The following OLA1 variants were observed in gnomAD, a reference collection of about 807,000 sequenced individuals.
OLA1 encodes the protein obg-like ATPase 1.
In OLA1, 14 loss-of-function variants were observed where a neutral mutation model predicts 48.4. The observed-to-expected ratio is 0.29, with a 90% CI of 0.19 to 0.45. The LOEUF (loss-of-function observed/expected upper bound fraction) is 0.45. Among genes scored for constraint, OLA1 ranks in the 20% least tolerant of loss-of-function variants. The probability of loss-of-function intolerance (pLI) is 1.00; values close to 1 mark genes in which losing one functional copy is unlikely to be tolerated. For missense variants in OLA1, 325 were observed against 467.1 expected (o/e 0.70, Z 2.80); for synonymous variants, 127 against 150.4 (o/e 0.84, Z 1.14).
chr2:174,206,002 C>T (rs538431339), intron 4 of OLA1, among the ~76,000 whole-genome samples: 36 of 152,152 alleles, frequency 2.4e-4, no homozygotes, highest in Admixed American at 3.9e-4. Context: ...AAGTCACTGA[C>T]GTAGGAAAAC....
intron 1 of OLA1, 160 bp from the exon 2 acceptor site, chr2:174,246,975 T>C (rs959998974): frequency 3.4e-5 from 15 of 445,462 alleles, no homozygotes; most frequent in African/African-American, 1.4e-4. Flanking sequence ...CACTTTTTTT[T>C]CAGCAAAAAT....
chr2:174,135,814 A>C (rs1004139631), intron 5 of OLA1, among the ~76,000 whole-genome samples: 10 of 152,230 alleles, frequency 6.6e-5, no homozygotes, highest in African/African-American at 2.4e-4. Context: ...TTACAGTACA[A>C]CCATACCTCA....
intron 7 of OLA1, among the ~76,000 whole-genome samples, chr2:174,113,690 TAAAAC>T (rs1217317426): frequency 6.6e-6 from 1 of 152,180 alleles, no homozygotes; most frequent in Non-Finnish European, 1.5e-5. Flanking sequence ...CTTTCTGAGA[TAAAAC>T]AAAGCAAAAT....
chr2:174,100,299 C>T (rs529222192), intron 7 of OLA1, among the ~76,000 whole-genome samples: 175 of 152,208 alleles, frequency 1.1e-3, no homozygotes, highest in Non-Finnish European at 1.3e-3. Context: ...TAAGTAAGAC[C>T]GACATTGTCC....
chr2:174,150,053 T>A (rs1174633811), intron 4 of OLA1, among the ~76,000 whole-genome samples: 1 of 152,194 alleles, frequency 6.6e-6, no homozygotes, highest in Non-Finnish European at 1.5e-5. Context: ...CCATCTGTCA[T>A]AGAAAACCTG....
At chr2:174,152,089 T>C (rs1264484638) in intron 4 of OLA1, among the ~76,000 whole-genome samples, 1 of 152,212 alleles carries the variant, frequency 6.6e-6, no homozygotes, top group African/African-American at 2.4e-5. Flanking sequence ...AAGTAAGATG[T>C]GTAGTTTTAA....
At chr2:174,188,789 G>A (rs1369851236) in intron 4 of OLA1, among the ~76,000 whole-genome samples, 4 of 152,108 alleles carry the variant, frequency 2.6e-5, no homozygotes, top group African/African-American at 9.7e-5. Context: ...ATTACTTTCA[G>A]CTATGTGTAT....
chr2:174,218,371 GA>G (rs199836667), intron 4 of OLA1, among the ~76,000 whole-genome samples: 4 of 150,336 alleles, frequency 2.7e-5, no homozygotes, highest in Non-Finnish European at 4.4e-5. Flanking sequence ...CTTTCCTGAT[GA>G]AAAAAAAACC....
At chr2:174,120,455 T>A (rs1359784415) in intron 7 of OLA1, among the ~76,000 whole-genome samples, 1 of 152,146 alleles carries the variant, frequency 6.6e-6, no homozygotes, top group African/African-American at 2.4e-5. Context: ...CAATTTGTAA[T>A]AATAAAAAAT....
At chr2:174,106,985 G>A (rs778924531) in intron 7 of OLA1, among the ~76,000 whole-genome samples, 1 of 152,090 alleles carries the variant, frequency 6.6e-6, no homozygotes, top group Non-Finnish European at 1.5e-5. Flanking sequence ...TGCAGCTACT[G>A]TAGTTACCTG....
intron 1 of OLA1, chr2:174,247,535 ACAGT>A (rs1689153098): frequency 2.2e-6 from 3 of 1,348,876 alleles, no homozygotes; most frequent in South Asian, 1.4e-5. Context: ...TACACAGAAG[ACAGT>A]CAAAGAAAAT....
intron 4 of OLA1, among the ~76,000 whole-genome samples, chr2:174,220,914 A>G (rs1274909906): frequency 1.3e-5 from 2 of 152,158 alleles, no homozygotes. Flanking sequence ...TACTCTAAAC[A>G]CTAACATATA....
chr2:174,161,640 G>A (rs1687014949), intron 4 of OLA1, among the ~76,000 whole-genome samples: 1 of 149,602 alleles, frequency 6.7e-6, no homozygotes, highest in South Asian at 2.2e-4. Flanking sequence ...ACTCCAGCCT[G>A]GGTGACAGAC....
intron 4 of OLA1, among the ~76,000 whole-genome samples, chr2:174,142,421 A>G (rs1047713110): frequency 1.8e-4 from 28 of 152,132 alleles, no homozygotes; most frequent in African/African-American, 6.8e-4. Context: ...CCCTGCTTCA[A>G]TCTACTTTAT....
At position 174,161,713 on chromosome 2, in the gene OLA1, CACATAG is replaced by C. The variant is rs1490575476; in HGVS notation, c.374-19719_374-19714del. On this transcript the variant is annotated intron_variant, in intron 4 of 10. Transcript: ENST00000284719. ...ACACACACACACACACACACACACA[CACATAG>C]ATAGATAGACACACATACATACATT... Among the ~76,000 whole-genome samples, 56 of 135,272 alleles carry C rather than the reference CACATAG, an allele frequency of 4.1e-4. 1 individual carries two copies. The South Asian group carries it at 6.4e-3, about 16-fold the overall frequency. 88.7% of individuals were successfully genotyped at this position (135,272 alleles called of 152,430 possible).
chr2:174,243,913 G>GAGAACCGTCTCCC (rs1300107333), intron 2 of OLA1, among the ~76,000 whole-genome samples: 1 of 152,124 alleles, frequency 6.6e-6, no homozygotes, highest in Non-Finnish European at 1.5e-5. Context: ...CCATCCTTTA[G>GAGAACCGTCTCCC]AGAACCGTCT....
intron 7 of OLA1, among the ~76,000 whole-genome samples, chr2:174,105,988 T>G (rs1341614746): frequency 6.7e-6 from 1 of 148,348 alleles, no homozygotes; most frequent in Non-Finnish European, 1.5e-5. Flanking sequence ...TATCTCTTTT[T>G]GTTGGCTGTC....
chr2:174,190,657 A>G (rs1345535387), intron 4 of OLA1, among the ~76,000 whole-genome samples: 4 of 152,102 alleles, frequency 2.6e-5, no homozygotes, highest in African/African-American at 7.2e-5. Flanking sequence ...CACAATATTA[A>G]GAACAGATTT....
intron 4 of OLA1, among the ~76,000 whole-genome samples, chr2:174,193,116 G>T (rs1190979758): frequency 2.0e-5 from 3 of 149,642 alleles, no homozygotes; most frequent in East Asian, 1.9e-4. Context: ...TGAGATGGGG[G>T]TCTCGCTCTG....
Sources: gnomAD v4.1 joint callset for allele counts (sites outside exome capture counted in the v4.1 genomes callset) on GRCh38, gnomAD v4.1.1 for gene constraint, MANE v1.5 for transcripts, NCBI Gene and HGNC (gene_info 2026-07-23, HGNC 2026-07-21) for gene names.